The following SLC44A5 variants were observed in gnomAD, a reference collection of about 807,000 sequenced individuals.
SLC44A5 encodes choline transporter-like protein 5.
In SLC44A5, 57 loss-of-function variants were observed where a neutral mutation model predicts 101.8. The ratio of observed to expected loss-of-function variants is 0.56; its 90% confidence interval spans 0.45 to 0.70. SLC44A5 has a LOEUF of 0.70. Ranked by LOEUF, SLC44A5 falls within the 30% of genes least tolerant of loss-of-function variation. The pLI, the probability that SLC44A5 is intolerant of heterozygous loss-of-function variation, is 0.00. For missense variants in SLC44A5, 737 were observed against 853.1 expected (o/e 0.86, Z 1.70); for synonymous variants, 281 against 290.9 (o/e 0.97, Z 0.35).
chr1:75,398,573 C>T (rs1027120000), intron 2 of SLC44A5, among the ~76,000 whole-genome samples: 5 of 152,060 alleles, frequency 3.3e-5, no homozygotes, highest in Non-Finnish European at 7.4e-5. Context: ...ATTTGACCAA[C>T]GTTGTACCTT....
intron 2 of SLC44A5, among the ~76,000 whole-genome samples, chr1:75,519,929 G>C (rs1670027672): frequency 6.6e-6 from 1 of 152,242 alleles, no homozygotes. Context: ...ATAATCTTGA[G>C]ACAGCTGATG....
intron 3 of SLC44A5, among the ~76,000 whole-genome samples, chr1:75,394,475 A>C (rs900449133): frequency 6.6e-6 from 1 of 152,086 alleles, no homozygotes; most frequent in Non-Finnish European, 1.5e-5. Context: ...GCATATTTAC[A>C]TGTAGGCAAG....
the SLC44A5 span, among the ~76,000 whole-genome samples, chr1:75,652,806 A>G: frequency 2.0e-5 from 3 of 152,174 alleles, no homozygotes; most frequent in Non-Finnish European, 4.4e-5. Context: ...AAAAAAGAAC[A>G]AAAACAAAAA....
intron 5 of SLC44A5, among the ~76,000 whole-genome samples, chr1:75,288,568 T>C (rs1653259949): frequency 6.6e-6 from 1 of 152,152 alleles, no homozygotes; most frequent in Non-Finnish European, 1.5e-5. Context: ...AACACATTCT[T>C]CCTAGAGAAA....
chr1:75,343,672 A>C (rs2101044393), intron 3 of SLC44A5, among the ~76,000 whole-genome samples: 1 of 152,306 alleles, frequency 6.6e-6, no homozygotes, highest in Middle Eastern at 3.4e-3. Context: ...TACTGTGAGT[A>C]AGCAGGTCAG....
intron 4 of SLC44A5, among the ~76,000 whole-genome samples, chr1:75,308,911 TGAG>T (rs1655099169): frequency 6.6e-6 from 1 of 152,174 alleles, no homozygotes; most frequent in Non-Finnish European, 1.5e-5. Flanking sequence ...CACATTAAAG[TGAG>T]GAGATTACTA....
intron 1 of SLC44A5, among the ~76,000 whole-genome samples, chr1:75,547,796 A>T (rs962499983): frequency 6.6e-6 from 1 of 152,204 alleles, no homozygotes; most frequent in Admixed American, 6.5e-5. Context: ...CAAGAGTTTC[A>T]ATGGGAAGTC....
upstream of SLC44A5, among the ~76,000 whole-genome samples, chr1:75,615,420 C>CACACACACAT (rs1553217559): frequency 2.8e-5 from 3 of 108,758 alleles, no homozygotes; most frequent in Non-Finnish European, 5.7e-5. Context: ...CTCTCTTACA[C>CACACACACAT]ACACACACAC....
intron 3 of SLC44A5, among the ~76,000 whole-genome samples, chr1:75,374,963 T>C (rs1660478869): frequency 6.6e-6 from 1 of 152,196 alleles, no homozygotes; most frequent in Non-Finnish European, 1.5e-5. Context: ...AGTGTTTCCT[T>C]ACCTCTAAAG....
the SLC44A5 span, among the ~76,000 whole-genome samples, chr1:75,720,894 G>A: frequency 2.2e-4 from 34 of 152,072 alleles, no homozygotes; most frequent in Non-Finnish European, 2.4e-4. Context: ...CCAGGTTATA[G>A]GCAGATTTAA....
intron 2 of SLC44A5, among the ~76,000 whole-genome samples, chr1:75,404,327 A>C (rs1662705516): frequency 6.6e-6 from 1 of 152,184 alleles, no homozygotes; most frequent in Admixed American, 6.5e-5. Context: ...GCCAACATGC[A>C]AATTCAGGAA....
chr1:75,322,211 T>C (rs10874172), intron 4 of SLC44A5, among the ~76,000 whole-genome samples: 58,655 of 151,760 alleles, frequency 0.39, 11,935 homozygotes, highest in East Asian at 0.82. Context: ...ACTCTGGAGG[T>C]TGAGGCAGGA....
intron 4 of SLC44A5, among the ~76,000 whole-genome samples, chr1:75,331,686 C>T (rs1657067940): frequency 2.0e-5 from 3 of 152,178 alleles, no homozygotes; most frequent in Non-Finnish European, 4.4e-5. Flanking sequence ...ACATGCTTAG[C>T]TTGCAGAGCA....
chr1:75,558,845 C>A (rs566440865), intron 1 of SLC44A5, among the ~76,000 whole-genome samples: 1 of 152,152 alleles, frequency 6.6e-6, no homozygotes, highest in South Asian at 2.1e-4. Flanking sequence ...AGAATCAAAA[C>A]AGGTAAAATA....
At position 75,479,973 on chromosome 1, in the gene SLC44A5, C is replaced by T. The variant is rs180825501; in HGVS notation, c.13+61462G>A. ...AAAAAAGAGAATTTTAGACCAATATCCTTGATGAACATTGATGCAAAAATC... is the reference window on the plus strand; with the variant it reads ...AAAAAAGAGAATTTTAGACCAATATTCTTGATGAACATTGATGCAAAAATC... On this transcript the variant is annotated intron_variant, in intron 2 of 23. Coordinates refer to ENST00000370859, the MANE Select transcript of SLC44A5 (RefSeq NM_001130058.2). Among the ~76,000 whole-genome samples, 1,399 of 152,308 alleles carry T rather than the reference C, an allele frequency of 9.2e-3. 21 individuals carry two copies. The highest frequency in any genetic ancestry group is 0.032 in the African/African-American group (1,330 of 41,552).
chr1:75,579,222 G>C (rs1032333275), intron 1 of SLC44A5, among the ~76,000 whole-genome samples: 3 of 152,158 alleles, frequency 2.0e-5, no homozygotes, highest in Non-Finnish European at 2.9e-5. Flanking sequence ...ACTACTGAAG[G>C]CATTGCAGAA....
At chr1:75,360,114 A>ATT (rs1269715322) in intron 3 of SLC44A5, among the ~76,000 whole-genome samples, 2 of 152,012 alleles carry the variant, frequency 1.3e-5, no homozygotes, top group Non-Finnish European at 2.9e-5. Context: ...CCACTCGCAA[A>ATT]TTGTCTGCCT....
intron 6 of SLC44A5, among the ~76,000 whole-genome samples, chr1:75,255,793 G>A (rs1197373596): frequency 6.6e-6 from 1 of 152,110 alleles, no homozygotes; most frequent in Non-Finnish European, 1.5e-5. Flanking sequence ...TACTTATCAT[G>A]ATGTATGTGA....
the SLC44A5 span, among the ~76,000 whole-genome samples, chr1:75,720,867 G>A: frequency 1.4e-5 from 2 of 143,282 alleles, no homozygotes; most frequent in African/African-American, 5.1e-5. Context: ...AGCTGGGGGG[G>A]TAGGCGGGGG....
Sources: gnomAD v4.1 joint callset for allele counts (sites outside exome capture counted in the v4.1 genomes callset) on GRCh38, gnomAD v4.1.1 for gene constraint, MANE v1.5 for transcripts, NCBI Gene and HGNC (gene_info 2026-07-23, HGNC 2026-07-21) for gene names.